Variants in DISC1 observed in about 807,000 individuals in gnomAD.
DISC1 encodes DISC1 scaffold protein, also known as disrupted in schizophrenia 1 protein.
In DISC1, 57 loss-of-function variants were observed where a neutral mutation model predicts 84.5. The observed-to-expected ratio is 0.67, with a 90% CI of 0.55 to 0.84. DISC1 has a LOEUF of 0.84. Ranked by LOEUF, DISC1 falls within the 40% of genes least tolerant of loss-of-function variation. The pLI is 0.00. For synonymous variants in DISC1, 411 were observed against 415.2 expected, an observed-to-expected ratio of 0.99 and a Z score of 0.12; for missense variants, 1,000 against 1,057.8, an observed-to-expected ratio of 0.95 and a Z score of 0.76.
At chr1:231,941,478 T>A (rs1429828048) in intron 9 of DISC1, among the ~76,000 whole-genome samples, 1 of 86,646 alleles carries the variant, frequency 1.2e-5, no homozygotes, top group Non-Finnish European at 2.3e-5. Context: ...AAACTTCAAT[T>A]TTTTTTTTTT....
intron 8 of DISC1, among the ~76,000 whole-genome samples, chr1:231,808,655 C>T (rs1170036077): frequency 1.3e-5 from 2 of 152,202 alleles, no homozygotes; most frequent in Non-Finnish European, 2.9e-5. Context: ...GTAGATGGCC[C>T]AATGCCTAGT....
intron 4 of DISC1, among the ~76,000 whole-genome samples, chr1:231,762,276 C>CCTTTT (rs2075796643): frequency 7.9e-6 from 1 of 126,124 alleles, no homozygotes; most frequent in Non-Finnish European, 1.7e-5. Flanking sequence ...CCTTTCCTTT[C>CCTTTT]CTTTTCTTTT....
intron 1 of DISC1, among the ~76,000 whole-genome samples, chr1:231,634,208 G>A (rs1328980769): frequency 6.6e-6 from 1 of 152,050 alleles, no homozygotes; most frequent in African/African-American, 2.4e-5. Context: ...CTTGGTTTGT[G>A]AGTGGATTGA....
chr1:231,788,005 G>A (rs963223017), intron 6 of DISC1, among the ~76,000 whole-genome samples: 7 of 152,292 alleles, frequency 4.6e-5, no homozygotes, highest in East Asian at 3.9e-4. Context: ...AGAATCAGCC[G>A]GGCGCAGTGG....
Position 231,723,187 on chromosome 1 carries a change from T to C in DISC1, c.1117+21163T>C, listed in dbSNP as rs2070104930. 2 of 854,032 alleles carry C rather than the reference T, an allele frequency of 2.3e-6. 1 individual carries two copies. The highest frequency in any genetic ancestry group is 2.8e-6 in the Non-Finnish European group (2 of 706,520). 52.9% of individuals were successfully genotyped at this position (854,032 alleles called of 1,614,324 possible). A position where few individuals can be genotyped will look rare whatever the true frequency, so the allele number is the denominator to read the frequency against. On this transcript the variant is annotated intron_variant, in intron 3 of 12. Coordinates refer to ENST00000439617, the MANE Select transcript of DISC1 (RefSeq NM_018662.3). Reference sequence around the variant, plus strand: ...TGCAGGTTTTACACTTGGCGAATGCTGTATTTTTGATTCATGTTGGATTAA... The same window carrying C: ...TGCAGGTTTTACACTTGGCGAATGCCGTATTTTTGATTCATGTTGGATTAA...
Position 231,770,975 on chromosome 1 carries a change from G to C in DISC1, c.1539G>C (p.Leu513=). The stretch of plus-strand genomic sequence containing the variant: ...CCCCACTGGTGGGCCAGCTGTCCCT[G>C]GGTCAGCTGCAGGAGGTCAGCAAGG... ...DLTPLVGQLS[L]GQLQEVSKAL... is the part of the protein sequence containing the mutation. Residue 513 remains leucine (L), a synonymous_variant, in exon 6 of 13, where the codon CTG becomes CTC. Transcript: ENST00000439617. 6.2e-7 allele frequency: 1 copy of C among 1,613,766 alleles called. No homozygotes were observed. Among genetic ancestry groups the C allele is most frequent in the African/African-American group, 1.3e-5 (1 of 75,044 alleles).
At chr1:231,693,772 G>T in intron 1 of DISC1, 54 bp from the exon 2 acceptor site, 1 of 1,610,476 alleles carries the variant, frequency 6.2e-7, no homozygotes, top group Admixed American at 1.7e-5. Context: ...TGCAGTTCCA[G>T]CTGGGCCAGT....
chr1:231,951,393 T>C (rs544783038), intron 9 of DISC1, among the ~76,000 whole-genome samples: 1 of 152,266 alleles, frequency 6.6e-6, no homozygotes, highest in Admixed American at 6.5e-5. Flanking sequence ...TTGGAAATAA[T>C]TGGGAAGGTA....
At chr1:231,963,201 A>T (rs114651811) in intron 10 of DISC1, among the ~76,000 whole-genome samples, 1,827 of 151,832 alleles carry the variant, frequency 0.012, 54 homozygotes, top group African/African-American at 0.041. Flanking sequence ...CTACCCCATC[A>T]TCACCCTATT....
At chr1:231,971,762 G>A (rs1013591931) in intron 10 of DISC1, among the ~76,000 whole-genome samples, 10 of 152,078 alleles carry the variant, frequency 6.6e-5, no homozygotes, top group African/African-American at 2.4e-4. Flanking sequence ...GAAGTTTCTC[G>A]AGCTGAGAGA....
At chr1:231,935,078 A>T (rs780068451) in intron 9 of DISC1, among the ~76,000 whole-genome samples, 5 of 152,144 alleles carry the variant, frequency 3.3e-5, no homozygotes, top group Non-Finnish European at 7.3e-5. Context: ...TGTTAAAGAG[A>T]TTTCTGAACA....
chr1:231,996,294 C>T (rs1391718215), intron 10 of DISC1, among the ~76,000 whole-genome samples: 2 of 152,032 alleles, frequency 1.3e-5, no homozygotes, highest in Non-Finnish European at 2.9e-5. Flanking sequence ...TGTAGGTTGC[C>T]TGTTCACTCT....
intron 9 of DISC1, among the ~76,000 whole-genome samples, chr1:231,934,465 G>A (rs973784018): frequency 2.0e-5 from 3 of 152,126 alleles, no homozygotes; most frequent in Non-Finnish European, 2.9e-5. Context: ...TCCGTGCTGC[G>A]GTTTAGTGGA....
At chr1:232,002,526 A>C (rs561549016) in intron 10 of DISC1, among the ~76,000 whole-genome samples, 2 of 151,714 alleles carry the variant, frequency 1.3e-5, no homozygotes, top group South Asian at 2.1e-4. Context: ...CATACCTAGC[A>C]TGGAATACTA....
chr1:231,850,296 C>T (rs1376272443), intron 9 of DISC1, among the ~76,000 whole-genome samples: 6 of 152,196 alleles, frequency 3.9e-5, no homozygotes, highest in South Asian at 2.1e-4. Flanking sequence ...CAGACGGAGG[C>T]GTGAGGTAGG....
intron 9 of DISC1, chr1:231,941,047 G>A (rs530192168): frequency 1.3e-5 from 2 of 152,372 alleles, no homozygotes; most frequent in East Asian, 3.9e-4. Flanking sequence ...TCATAGGCAT[G>A]CAGGTGAACA....
intron 9 of DISC1, among the ~76,000 whole-genome samples, chr1:231,888,199 G>A (rs781525884): frequency 6.6e-6 from 1 of 152,198 alleles, no homozygotes; most frequent in Non-Finnish European, 1.5e-5. Flanking sequence ...TACTGAGGGA[G>A]TTCTTATGCG....
chr1:231,681,622 C>T (rs1172386568), intron 1 of DISC1, among the ~76,000 whole-genome samples: 4 of 152,118 alleles, frequency 2.6e-5, no homozygotes. Context: ...GTGACCTCTC[C>T]TCTACCCTCC....
intron 3 of DISC1, among the ~76,000 whole-genome samples, chr1:231,740,175 T>G (rs1458925546): frequency 6.6e-6 from 1 of 152,188 alleles, no homozygotes; most frequent in Non-Finnish European, 1.5e-5. Context: ...TTTCTGTTGT[T>G]TAATCTACCC....
Sources: gnomAD v4.1 joint callset for allele counts (sites outside exome capture counted in the v4.1 genomes callset) on GRCh38, gnomAD v4.1.1 for gene constraint, MANE v1.5 for transcripts, NCBI Gene and HGNC (gene_info 2026-07-23, HGNC 2026-07-21) for gene names.